SOX13: variants seen among roughly 807,000 people sequenced by gnomAD.
The protein encoded by SOX13 is SRY-box transcription factor 13.
In SOX13, 28 loss-of-function variants were observed where a neutral mutation model predicts 71.8. The ratio of observed to expected loss-of-function variants is 0.39; its 90% confidence interval spans 0.29 to 0.53. SOX13 has a LOEUF of 0.53. SOX13 is among the 20% of genes least tolerant of loss of function. The pLI is 0.70. For missense variants in SOX13, 627 were observed against 810.3 expected (o/e 0.77, Z 2.75); for synonymous variants, 309 against 317.8 (o/e 0.97, Z 0.29).
intron 1 of SOX13, among the ~76,000 whole-genome samples, chr1:204,095,488 C>T (rs1028020480): frequency 1.5e-4 from 23 of 152,080 alleles, no homozygotes; most frequent in African/African-American, 5.3e-4. Flanking sequence ...TTAATTATGG[C>T]CTTGTGAACA....
intron 4 of SOX13, among the ~76,000 whole-genome samples, chr1:204,115,657 CTTTTTTTTTTTTTTTT>C (rs771014997): frequency 3.5e-5 from 2 of 57,382 alleles, no homozygotes; most frequent in African/African-American, 1.5e-4. Context: ...GCTTCTTCTT[CTTTTTTTTTTTTTTTT>C]TTTTTTTTTG....
At chr1:204,076,038 CCTT>C (rs1305423809) in intron 1 of SOX13, among the ~76,000 whole-genome samples, 1 of 152,206 alleles carries the variant, frequency 6.6e-6, no homozygotes, top group Non-Finnish European at 1.5e-5. Flanking sequence ...CCTTCTTACT[CCTT>C]GTCTAGTGCC....
At chr1:204,103,767 C>G (rs1656404987) in intron 1 of SOX13, among the ~76,000 whole-genome samples, 1 of 152,224 alleles carries the variant, frequency 6.6e-6, no homozygotes, top group African/African-American at 2.4e-5. Flanking sequence ...GAGGCCTACC[C>G]CTGCCTTCTA....
At chr1:204,078,406 C>G (rs971397444) in intron 1 of SOX13, among the ~76,000 whole-genome samples, 1 of 152,230 alleles carries the variant, frequency 6.6e-6, no homozygotes, top group Admixed American at 6.5e-5. Flanking sequence ...TCAAATGCAG[C>G]TGTGCTCCTG....
chr1:204,089,175 A>G (rs1168478066), intron 1 of SOX13, among the ~76,000 whole-genome samples: 7 of 128,910 alleles, frequency 5.4e-5, no homozygotes, highest in Non-Finnish European at 1.1e-4. Flanking sequence ...TGTTGGGGGA[A>G]GATGCATGGG....
intron 1 of SOX13, among the ~76,000 whole-genome samples, chr1:204,080,086 G>A (rs1168636821): frequency 6.6e-6 from 1 of 152,168 alleles, no homozygotes; most frequent in East Asian, 1.9e-4. Flanking sequence ...AGGAAAAGAA[G>A]GAAGAAGTGG....
At position 204,117,150 on chromosome 1, in the gene SOX13, A is replaced by G. The variant is rs1316298972; in HGVS notation, c.620A>G (p.Gln207Arg). The G allele has an allele frequency of 1.2e-6, 2 of 1,613,992 alleles. No individual in the cohort carries two copies. The highest frequency in any genetic ancestry group is 1.1e-5 in the South Asian group (1 of 91,084). ...GCAAAGCAGCAGCAGCAGCTGATTCAGCAGCAGCATAAGATCAACCTCCTT... is the reference window on the plus strand; with the variant it reads ...GCAAAGCAGCAGCAGCAGCTGATTCGGCAGCAGCATAAGATCAACCTCCTT... The part of the protein sequence containing the change: ...QIAKQQQQLI[Q>R]QQHKINLLQQ... Residue 207 changes from glutamine (Q) to arginine (R), a missense_variant, in exon 6 of 14, where the codon CAG becomes CGG. Physicochemically the swap from Gln to Arg is conservative, Grantham distance 43. Around this residue, in one of 3 missense-constraint regions of SOX13, gnomAD observed 447 missense variants for 532.2 expected, o/e 0.84. Coordinates refer to ENST00000367204, the MANE Select transcript of SOX13 (RefSeq NM_005686.3).
At chr1:204,113,196 G>A (rs1558218989) in intron 2 of SOX13, 62 bp downstream of exon 2, 10 of 1,330,380 alleles carry the variant, frequency 7.5e-6, no homozygotes, top group Middle Eastern at 2.7e-4. Flanking sequence ...CTCTCTGCTC[G>A]GCTGGGCAGG....
intron 1 of SOX13, among the ~76,000 whole-genome samples, chr1:204,087,168 C>T (rs565356713): frequency 2.0e-5 from 3 of 152,292 alleles, no homozygotes; most frequent in Non-Finnish European, 4.4e-5. Context: ...GTGATCTGCC[C>T]GCCTCGGCCT....
intron 1 of SOX13, among the ~76,000 whole-genome samples, chr1:204,103,834 G>A (rs749221121): frequency 2.0e-5 from 3 of 152,160 alleles, no homozygotes; most frequent in Non-Finnish European, 4.4e-5. Flanking sequence ...AGGCAGGAAG[G>A]CCTCCAGAGA....
chr1:204,120,588 C>A (rs1304852630), intron 7 of SOX13, among the ~76,000 whole-genome samples: 1 of 152,246 alleles, frequency 6.6e-6, no homozygotes, highest in Admixed American at 6.5e-5. Context: ...CCATGGCCTG[C>A]CTCATTCCCC....
At chr1:204,105,411 C>CCCTTTTTTTTTTT in intron 1 of SOX13, among the ~76,000 whole-genome samples, 1 of 75,044 alleles carries the variant, frequency 1.3e-5, no homozygotes, top group Non-Finnish European at 2.3e-5. Flanking sequence ...TCTGTATAAT[C>CCCTTTTTTTTTTT]TCTTTTTTTT....
intron 1 of SOX13, among the ~76,000 whole-genome samples, chr1:204,101,504 T>TTAAAAAA (rs1553296743): frequency 7.4e-5 from 10 of 134,586 alleles, no homozygotes; most frequent in South Asian, 4.8e-4. Context: ...CCTCTTTATT[T>TTAAAAAA]AAAAAAAAAA....
At chr1:204,092,736 C>A (rs1031376751) in intron 1 of SOX13, among the ~76,000 whole-genome samples, 5 of 152,062 alleles carry the variant, frequency 3.3e-5, no homozygotes, top group Admixed American at 1.3e-4. Flanking sequence ...GGGGCTGCTC[C>A]TCCTAGGGTC....
chr1:204,101,608 C>T (rs867486777), intron 1 of SOX13, among the ~76,000 whole-genome samples: 12 of 151,850 alleles, frequency 7.9e-5, no homozygotes, highest in Non-Finnish European at 1.0e-4. Context: ...CATTCAGCCA[C>T]CACAATACTA....
rs1235756213 is a variant in SOX13 at position 204,092,380 on chromosome 1, G to A, written c.-2+18669G>A. Among the ~76,000 whole-genome samples, 4 of 151,918 alleles carry A rather than the reference G, an allele frequency of 2.6e-5. No homozygotes were observed. In the South Asian group the frequency reaches 8.3e-4, roughly 31 times the overall value. On this transcript the variant is annotated intron_variant, in intron 1 of 13. Coordinates refer to ENST00000367204, the MANE Select transcript of SOX13 (RefSeq NM_005686.3). Reference sequence around the variant, plus strand: ...CACTCAGGCTGGAGTGCAGTGGCATGATCATGGCCCACTGCAGCCTTGACC... The same window carrying A: ...CACTCAGGCTGGAGTGCAGTGGCATAATCATGGCCCACTGCAGCCTTGACC...
chr1:204,114,839 C>T lies in SOX13; in HGVS notation c.418+234C>T, dbSNP rs1022649967. Among the ~76,000 whole-genome samples the T allele has an allele frequency of 5.9e-5, 9 of 152,178 alleles. No homozygotes were observed. In the East Asian group the frequency reaches 1.7e-3, roughly 29 times the overall value. ...GGAATCAAATCCCATGACTCTGAAT[C>T]TGGGCTCTCACCAGGCACCCTTGTG... On this transcript the variant is annotated intron_variant, in intron 4 of 13. Coordinates refer to ENST00000367204, the MANE Select transcript of SOX13 (RefSeq NM_005686.3).
chr1:204,121,458 G>A (rs1656802999), intron 7 of SOX13, among the ~76,000 whole-genome samples: 1 of 152,108 alleles, frequency 6.6e-6, no homozygotes, highest in Admixed American at 6.6e-5. Flanking sequence ...AAAATGGGAT[G>A]ATGATGTATT....
At chr1:204,090,463 T>C (rs1342946707) in intron 1 of SOX13, among the ~76,000 whole-genome samples, 6 of 149,506 alleles carry the variant, frequency 4.0e-5, no homozygotes, top group Admixed American at 1.4e-4. Context: ...GGCTGGAGTA[T>C]AGTGGCATGA....
Sources: allele counts gnomAD v4.1 joint callset (sites outside exome capture counted in the v4.1 genomes callset), GRCh38; gene constraint gnomAD v4.1.1; regional missense constraint gnomAD v4.1.1; transcripts MANE v1.5; gene names NCBI Gene and HGNC (gene_info 2026-07-23, HGNC 2026-07-21).